Variants in AAGAB observed in about 807,000 individuals in gnomAD.
AAGAB encodes alpha- and gamma-adaptin-binding protein p34.
AAGAB carries 38 observed loss-of-function variants against 44.1 expected under a neutral mutation model. That is an observed-to-expected ratio of 0.86 (90% CI 0.67 to 1.13). AAGAB has a LOEUF of 1.13. Ranked by LOEUF, AAGAB falls within the 50% of genes most tolerant of loss-of-function variation. The probability of loss-of-function intolerance (pLI) is 0.00; values close to 1 mark genes in which losing one functional copy is unlikely to be tolerated. For missense variants in AAGAB, 450 were observed against 373.8 expected (o/e 1.20, Z -1.68); for synonymous variants, 131 against 131.8 (o/e 0.99, Z 0.04).
chr15:67,249,196 G>A (rs865848962), intron 1 of AAGAB, among the ~76,000 whole-genome samples: 5 of 151,966 alleles, frequency 3.3e-5, no homozygotes, highest in African/African-American at 1.2e-4. Context: ...CACCACACCC[G>A]GCTAATTTCT....
chr15:67,234,078 T>TA (rs1964406599), intron 4 of AAGAB, among the ~76,000 whole-genome samples: 1 of 111,696 alleles, frequency 9.0e-6, no homozygotes, highest in Non-Finnish European at 1.9e-5. Flanking sequence ...CCGTCTCTAC[T>TA]AAAAATACAA....
intron 7 of AAGAB, among the ~76,000 whole-genome samples, chr15:67,206,845 C>T (rs1182357319): frequency 6.6e-6 from 1 of 152,198 alleles, no homozygotes. Flanking sequence ...TCAACCACTT[C>T]TCCAAGGAGC....
Position 67,202,813 on chromosome 15 carries a change from T to G in AAGAB, c.*8A>C, listed in dbSNP as rs950095578. ...CATCTTTGTTGGTCAAACCCTAGTA[T>G]GAATAATTCAGTGCTCTTCATCAGA... On this transcript the variant is annotated 3_prime_UTR_variant, in exon 10 of 10. Coordinates refer to ENST00000261880, the MANE Select transcript of AAGAB (RefSeq NM_024666.5). The G allele has an allele frequency of 3.1e-6, 5 of 1,613,264 alleles. No individual in the cohort carries two copies. In the Admixed American group the frequency reaches 8.3e-5, roughly 27 times the overall value.
Position 67,202,673 on chromosome 15 carries a change from T to C in AAGAB, c.*148A>G, listed in dbSNP as rs1963593937. ...AAAAAAAGATTTCTCCTTAACCTCC[T>C]ACTAAAAACTAAAATTAAGGGGACC... On this transcript the variant is annotated 3_prime_UTR_variant, in exon 10 of 10. Coordinates refer to ENST00000261880, the MANE Select transcript of AAGAB (RefSeq NM_024666.5). 6.2e-6 allele frequency: 4 copies of C among 650,388 alleles called. No homozygotes were observed. The highest frequency in any genetic ancestry group is 8.3e-6 in the Non-Finnish European group (3 of 363,618). The allele number at this position is 650,388 out of a possible 1,614,324, so 40.3% of individuals were successfully genotyped here.
chr15:67,201,069 T>C lies in AAGAB; in HGVS notation c.*1752A>G, dbSNP rs1963559207. On this transcript the variant is annotated 3_prime_UTR_variant, in exon 10 of 10. Coordinates refer to ENST00000261880, the MANE Select transcript of AAGAB (RefSeq NM_024666.5). ...ATTTTAATCATCTGGCTTTGTTTAATCTACAAAATCAAATTCACAGCTTTT... is the reference window on the plus strand; with the variant it reads ...ATTTTAATCATCTGGCTTTGTTTAACCTACAAAATCAAATTCACAGCTTTT... 6.6e-6 allele frequency: 1 copy of C among 152,364 alleles called. No homozygotes were observed. Among genetic ancestry groups the C allele is most frequent in the Non-Finnish European group, 1.5e-5 (1 of 68,052 alleles). The allele number at this position is 152,364 out of a possible 1,614,324, so 9.4% of individuals were successfully genotyped here. A position where few individuals can be genotyped will look rare whatever the true frequency, so the allele number is the denominator to read the frequency against.
In AAGAB at chr15:67,200,705, T is replaced by C. The variant is rs184752891; in HGVS notation, c.*2116A>G. Among the ~76,000 whole-genome samples, 334 of 152,352 alleles carry C rather than the reference T, an allele frequency of 2.2e-3. 1 individual carries two copies. Among genetic ancestry groups the C allele is most frequent in the Non-Finnish European group, 3.6e-3 (247 of 68,036 alleles). On this transcript the variant is annotated 3_prime_UTR_variant, in exon 10 of 10. Coordinates refer to ENST00000261880, the MANE Select transcript of AAGAB (RefSeq NM_024666.5). ...CAGCTGGCAATTCTGTAACAACTTG[T>C]GGTAGCATGAACATAGGTCACTTTA...
At chr15:67,234,444 T>C (rs2140377327) in intron 4 of AAGAB, among the ~76,000 whole-genome samples, 1 of 152,256 alleles carries the variant, frequency 6.6e-6, no homozygotes, top group East Asian at 1.9e-4. Flanking sequence ...AATGAAGAGC[T>C]AGTACCAGTA....
chr15:67,252,745 G>GT (rs947495022), intron 1 of AAGAB, among the ~76,000 whole-genome samples: 1 of 152,180 alleles, frequency 6.6e-6, no homozygotes, highest in Non-Finnish European at 1.5e-5. Flanking sequence ...AATTAGACCA[G>GT]TTAGTAACCA....
chr15:67,209,020 G>A (rs1460968043), intron 6 of AAGAB, among the ~76,000 whole-genome samples: 1 of 152,196 alleles, frequency 6.6e-6, no homozygotes, highest in Non-Finnish European at 1.5e-5. Flanking sequence ...ATGTGGCACT[G>A]TATAATTTGC....
At chr15:67,233,124 A>G (rs896038093) in intron 4 of AAGAB, among the ~76,000 whole-genome samples, 1 of 152,190 alleles carries the variant, frequency 6.6e-6, no homozygotes, top group East Asian at 1.9e-4. Flanking sequence ...TATTAACAGT[A>G]TGTTATAAAA....
At chr15:67,241,095 C>G (rs1033695399) in intron 1 of AAGAB, among the ~76,000 whole-genome samples, 33 of 148,600 alleles carry the variant, frequency 2.2e-4, no homozygotes, top group African/African-American at 7.7e-4. Flanking sequence ...TAAACATGCA[C>G]ACACACAACC....
intron 5 of AAGAB, among the ~76,000 whole-genome samples, chr15:67,219,119 C>T (rs1049671433): frequency 6.6e-6 from 1 of 152,148 alleles, no homozygotes; most frequent in African/African-American, 2.4e-5. Flanking sequence ...TTAGCACATG[C>T]AACCAGATCC....
intron 1 of AAGAB, among the ~76,000 whole-genome samples, chr15:67,246,893 A>G (rs1038100377): frequency 9.2e-5 from 14 of 152,244 alleles, no homozygotes; most frequent in African/African-American, 3.4e-4. Flanking sequence ...AGGGAATAAA[A>G]GCTGGCCACC....
intron 1 of AAGAB, among the ~76,000 whole-genome samples, chr15:67,248,277 G>A (rs1053279311): frequency 6.6e-6 from 1 of 152,170 alleles, no homozygotes; most frequent in African/African-American, 2.4e-5. Context: ...GTCATCAGTT[G>A]AAATCACTGC....
intron 1 of AAGAB, among the ~76,000 whole-genome samples, chr15:67,249,327 G>A (rs1964806459): frequency 6.6e-6 from 1 of 152,134 alleles, no homozygotes; most frequent in Admixed American, 6.5e-5. Context: ...GAGCCACCAT[G>A]CCTGGCCAAT....
chr15:67,232,593 A>G, intron 4 of AAGAB: 1 of 414,688 alleles, frequency 2.4e-6, no homozygotes, highest in South Asian at 2.0e-5. Context: ...AATGTACAAG[A>G]CCACACCAGA....
intron 7 of AAGAB, among the ~76,000 whole-genome samples, chr15:67,206,383 T>A (rs1465363864): frequency 6.6e-6 from 1 of 152,206 alleles, no homozygotes; most frequent in East Asian, 1.9e-4. Flanking sequence ...GTTACTATTT[T>A]CCCCTTTGTA....
At chr15:67,213,724 C>T (rs1009584398) in intron 5 of AAGAB, among the ~76,000 whole-genome samples, 3 of 152,092 alleles carry the variant, frequency 2.0e-5, no homozygotes, top group African/African-American at 4.8e-5. Context: ...TCTACATTTA[C>T]GCAGTAGGTA....
intron 5 of AAGAB, among the ~76,000 whole-genome samples, chr15:67,209,903 G>A (rs1185164742): frequency 1.3e-5 from 2 of 152,110 alleles, no homozygotes; most frequent in Non-Finnish European, 2.9e-5. Flanking sequence ...CTGGCCTCAA[G>A]CCATCTCCTG....
Sources: gnomAD v4.1 joint callset for allele counts (sites outside exome capture counted in the v4.1 genomes callset) on GRCh38, gnomAD v4.1.1 for gene constraint, MANE v1.5 for transcripts, NCBI Gene and HGNC (gene_info 2026-07-23, HGNC 2026-07-21) for gene names.